The following MYT1L variants were observed in gnomAD, a reference collection of about 807,000 sequenced individuals.
The protein encoded by MYT1L is myelin transcription factor 1-like protein.
Under a neutral mutation model 126.7 loss-of-function variants are expected in MYT1L, and 12 were observed. The ratio of observed to expected loss-of-function variants is 0.09; its 90% CI spans 0.06 to 0.15. The LOEUF is 0.15. Among genes scored for constraint, MYT1L ranks in the 10% least tolerant of loss-of-function variants. MYT1L has a pLI of 1.00. For missense variants in MYT1L, 979 were observed against 1,585.2 expected, an observed-to-expected ratio of 0.62 and a Z score of 6.49; for synonymous variants, 541 against 604.2, an observed-to-expected ratio of 0.90 and a Z score of 1.53.
At chr2:2,153,460 T>C (rs2086164151) in intron 3 of MYT1L, among the ~76,000 whole-genome samples, 1 of 151,844 alleles carries the variant, frequency 6.6e-6, no homozygotes, top group Non-Finnish European at 1.5e-5. Context: ...ACACAGGTGG[T>C]TGTTTAGACG....
At chr2:2,119,548 ATTTTCCG>A (rs2080691135) in intron 3 of MYT1L, among the ~76,000 whole-genome samples, 2 of 152,188 alleles carry the variant, frequency 1.3e-5, no homozygotes, top group African/African-American at 4.8e-5. Context: ...TCCATTTTCC[ATTTTCCG>A]TAAGAAAAAA....
intron 22 of MYT1L, 88 bp downstream of exon 22, chr2:1,808,988 G>A (rs1444486053): frequency 3.4e-6 from 4 of 1,168,720 alleles, no homozygotes; most frequent in East Asian, 4.7e-5. Flanking sequence ...AAAGTGAGCT[G>A]TAACTGTCAA....
At chr2:1,984,932 C>T (rs1447814258) in intron 5 of MYT1L, among the ~76,000 whole-genome samples, 1 of 152,180 alleles carries the variant, frequency 6.6e-6, no homozygotes, top group Non-Finnish European at 1.5e-5. Context: ...AGGAGGAGCT[C>T]ACTTTGGGTC....
chr2:2,308,488 A>T (rs1040998827), intron 1 of MYT1L, among the ~76,000 whole-genome samples: 3 of 123,178 alleles, frequency 2.4e-5, no homozygotes, highest in South Asian at 5.3e-4. Context: ...CTATACTCCA[A>T]CTATGCTTCA....
intron 5 of MYT1L, among the ~76,000 whole-genome samples, chr2:1,996,534 G>A (rs1287623319): frequency 1.3e-4 from 18 of 141,358 alleles, no homozygotes; most frequent in South Asian, 6.9e-4. Context: ...GGGCCGCCCT[G>A]CCTCAGTGTG....
intron 2 of MYT1L, among the ~76,000 whole-genome samples, chr2:2,235,582 GT>G (rs1244276829): frequency 3.3e-5 from 5 of 152,282 alleles, no homozygotes; most frequent in Non-Finnish European, 7.4e-5. Context: ...TCCCACAGAG[GT>G]TGTATTTCTT....
chr2:1,792,613 G>T, intron 23 of MYT1L, 149 bp from the exon 24 acceptor site: 3 of 848,994 alleles, frequency 3.5e-6, no homozygotes, highest in Admixed American at 3.2e-5. Context: ...CTCACGCCTG[G>T]AATCCCAGCA....
At chr2:1,812,426 C>A (rs2036811246) in intron 21 of MYT1L, among the ~76,000 whole-genome samples, 1 of 152,132 alleles carries the variant, frequency 6.6e-6, no homozygotes, top group South Asian at 2.1e-4. Flanking sequence ...AATAGGTGCC[C>A]AGTGACGACT....
In MYT1L at chr2:1,917,388, A is replaced by G. The variant is rs751997662; in HGVS notation, c.1484-49T>C. 8.4e-6 allele frequency: 13 copies of G among 1,554,930 alleles called. No individual in the cohort carries two copies. In the Admixed American group the frequency reaches 2.5e-4, roughly 29 times the overall value. ...GAGAATAAATGTTTACCAATCAAAGACAAATGTGATTATTTCACAATCTGA... is the reference window on the plus strand; with the variant it reads ...GAGAATAAATGTTTACCAATCAAAGGCAAATGTGATTATTTCACAATCTGA... On this transcript the variant is annotated intron_variant, in intron 10 of 24. Coordinates refer to ENST00000647738, the MANE Select transcript of MYT1L (RefSeq NM_001303052.2). This position sits in a 1 kb window ranked among gnomAD's most constrained non-coding sequence, Gnocchi z 5.9.
chr2:2,033,579 G>A (rs1026640860), intron 4 of MYT1L, among the ~76,000 whole-genome samples: 2 of 152,104 alleles, frequency 1.3e-5, no homozygotes, highest in African/African-American at 4.8e-5. Context: ...AAATCATTCT[G>A]CAATATGTGA....
At chr2:2,297,869 A>G (rs1046238197) in intron 1 of MYT1L, among the ~76,000 whole-genome samples, 1 of 152,172 alleles carries the variant, frequency 6.6e-6, no homozygotes, top group Non-Finnish European at 1.5e-5. Flanking sequence ...TCTCTCCCAC[A>G]AAAGGGGATA....
chr2:2,189,540 A>G (rs906246598), intron 2 of MYT1L, among the ~76,000 whole-genome samples: 12 of 152,258 alleles, frequency 7.9e-5, no homozygotes, highest in African/African-American at 2.9e-4. Flanking sequence ...ATTATTTTTC[A>G]TAAATATATA....
At chr2:2,072,445 C>T (rs2150242250) in intron 3 of MYT1L, among the ~76,000 whole-genome samples, 1 of 152,346 alleles carries the variant, frequency 6.6e-6, no homozygotes, top group East Asian at 1.9e-4. Context: ...ACTGCCCCAT[C>T]ACTCAGAATC....
At chr2:2,164,983 G>T (rs2088787962) in intron 3 of MYT1L, among the ~76,000 whole-genome samples, 1 of 152,150 alleles carries the variant, frequency 6.6e-6, no homozygotes, top group Non-Finnish European at 1.5e-5. Context: ...TTAGAAAACT[G>T]TTTGGCGGGG....
chr2:1,943,327 C>T lies in MYT1L; in HGVS notation c.160G>A (p.Gly54Ser). Residue 54 changes from glycine to serine, a missense_variant, in exon 9 of 25, where the codon GGT becomes AGT. Physicochemically the swap from Gly to Ser is moderately conservative, Grantham distance 56. Transcript: ENST00000647738. This position sits in a 1 kb window ranked among gnomAD's most constrained non-coding sequence, Gnocchi z 4.4. The stretch of plus-strand genomic sequence containing the variant: ...TTTCTTTTTTTCGCCAAGGGACAAC[C>T]ATATACACTAATTAAAAAAATAGAG... ...GKYARHRSVY[G>S]CPLAKKRKTQ... The T allele has an allele frequency of 6.4e-7, 1 of 1,552,116 alleles. No homozygotes were observed. The highest frequency in any genetic ancestry group is 8.7e-7 in the Non-Finnish European group (1 of 1,150,670).
chr2:1,829,627 GTGAACTGACCCTCCCATA>G (rs1267062946), intron 21 of MYT1L, among the ~76,000 whole-genome samples: 9 of 133,634 alleles, frequency 6.7e-5, no homozygotes, highest in East Asian at 2.5e-4. Flanking sequence ...CCATACACCT[GTGAACTGACCCTCCCATA>G]CACCTGTGAA....
intron 21 of MYT1L, among the ~76,000 whole-genome samples, chr2:1,812,963 G>A (rs903857525): frequency 6.6e-6 from 1 of 151,808 alleles, no homozygotes; most frequent in Admixed American, 6.6e-5. Context: ...GCCTCCTGCA[G>A]AGGTCCTAAG....
chr2:2,165,655 T>C (rs1301766428), intron 3 of MYT1L, among the ~76,000 whole-genome samples: 1 of 152,210 alleles, frequency 6.6e-6, no homozygotes, highest in Non-Finnish European at 1.5e-5. Context: ...CCTTTATTAT[T>C]CTAAAGAATT....
At chr2:2,316,879 C>T (rs1394249019) in intron 1 of MYT1L, among the ~76,000 whole-genome samples, 12 of 151,760 alleles carry the variant, frequency 7.9e-5, no homozygotes, top group South Asian at 2.1e-4. Flanking sequence ...GGCGTGATCT[C>T]GGCTTACTAC....
Sources: gnomAD v4.1 joint callset for allele counts (sites outside exome capture counted in the v4.1 genomes callset) on GRCh38, gnomAD v4.1.1 for gene constraint, Gnocchi (gnomAD v3.1) non-coding constraint, MANE v1.5 for transcripts, NCBI Gene and HGNC (gene_info 2026-07-23, HGNC 2026-07-21) for gene names.